The following TLN2 variants were observed in gnomAD, a reference collection of about 807,000 sequenced individuals.
The protein encoded by TLN2 is talin 2.
Under a neutral mutation model 294.7 loss-of-function variants are expected in TLN2, and 118 were observed. The ratio of observed to expected loss-of-function variants is 0.40; its 90% CI spans 0.34 to 0.47. The LOEUF (loss-of-function observed/expected upper bound fraction) is 0.47, where lower values mean the gene tolerates loss of function less well. Ranked by LOEUF, TLN2 falls within the 20% of genes least tolerant of loss-of-function variation. The pLI is 0.84. For synonymous variants in TLN2, 1,431 were observed against 1,304.5 expected, an observed-to-expected ratio of 1.10 and a Z score of -2.09; for missense variants, 3,083 against 3,282.2, an observed-to-expected ratio of 0.94 and a Z score of 1.48.
intron 2 of TLN2, among the ~76,000 whole-genome samples, chr15:62,599,463 A>G (rs1028154375): frequency 5.3e-5 from 8 of 152,214 alleles, no homozygotes; most frequent in South Asian, 4.1e-4. Context: ...CTTTTACTCT[A>G]TTATACAAAG....
chr15:62,791,658 T>C (rs2065084819), intron 45 of TLN2, among the ~76,000 whole-genome samples: 2 of 152,200 alleles, frequency 1.3e-5, no homozygotes, highest in Non-Finnish European at 2.9e-5. Context: ...TCATAACTAT[T>C]CCTGATAGAC....
At chr15:62,482,281 T>C (rs908737856) in intron 1 of TLN2, among the ~76,000 whole-genome samples, 1 of 152,140 alleles carries the variant, frequency 6.6e-6, no homozygotes, top group Non-Finnish European at 1.5e-5. Context: ...TCAAAGGATA[T>C]GCTCCTTTAA....
In TLN2 at chr15:62,582,567, G is replaced by T. The variant is rs935088175; in HGVS notation, c.-237-7120G>T. On this transcript the variant is annotated intron_variant, in intron 1 of 58. Coordinates refer to ENST00000636159, the MANE Select transcript of TLN2 (RefSeq NM_015059.3). Reference sequence around the variant, plus strand: ...TGATGGACAGCTAGATTGAATGGGGGTGTGGGGACGGCATTGTAGACATGT... The same window carrying T: ...TGATGGACAGCTAGATTGAATGGGGTTGTGGGGACGGCATTGTAGACATGT... 3.9e-5 allele frequency among the ~76,000 whole-genome samples: 6 copies of T among 152,266 alleles called. No homozygotes were observed. The East Asian group carries it at 9.6e-4, about 24-fold the overall frequency.
At position 62,770,942 on chromosome 15, in the gene TLN2, CTTTTT is replaced by C. The variant is rs34815657; in HGVS notation, c.5197-10_5197-6del. 1.1e-5 allele frequency: 16 copies of C among 1,463,014 alleles called. No individual in the cohort carries two copies. In the African/African-American group the frequency reaches 1.9e-4, roughly 18 times the overall value. The allele number at this position is 1,463,014 out of a possible 1,614,324, so 90.6% of individuals were successfully genotyped here. A position where few individuals can be genotyped will look rare whatever the true frequency, so the allele number is the denominator to read the frequency against. On this transcript the variant is annotated splice_polypyrimidine_tract_variant and intron_variant, in intron 41 of 58. Coordinates refer to ENST00000636159, the MANE Select transcript of TLN2 (RefSeq NM_015059.3). ...GTGTATTTACATGATACATCTCTGG[CTTTTT>C]TTTTTTTTTTTGAAAGGTGACACAA...
intron 40 of TLN2, among the ~76,000 whole-genome samples, chr15:62,765,770 G>A (rs774759842): frequency 1.3e-5 from 2 of 152,184 alleles, no homozygotes; most frequent in Non-Finnish European, 2.9e-5. Context: ...TGAGGGCACC[G>A]TGTTTAATAT....
intron 27 of TLN2, among the ~76,000 whole-genome samples, chr15:62,726,280 T>C (rs1447646864): frequency 2.0e-5 from 3 of 152,212 alleles, no homozygotes; most frequent in Non-Finnish European, 4.4e-5. Flanking sequence ...TGGACCAGGC[T>C]CTATTTTTAT....
At chr15:62,708,842 T>G in intron 21 of TLN2, 46 bp downstream of exon 21, 2 of 1,556,374 alleles carry the variant, frequency 1.3e-6, no homozygotes, top group Non-Finnish European at 1.7e-6. Context: ...CTTTTGATGT[T>G]CCTGATGGTG....
Position 62,551,446 on chromosome 15 carries a change from C to T in TLN2, c.-237-38241C>T, listed in dbSNP as rs190572450. 3.2e-4 allele frequency among the ~76,000 whole-genome samples: 48 copies of T among 152,008 alleles called. No individual in the cohort carries two copies. The East Asian group carries it at 7.4e-3, about 23-fold the overall frequency. ...CAGCACGTTGGGAGGCCGAGACAGG[C>T]AGATCATGAGGTCAGGAGTTTGAGA... On this transcript the variant is annotated intron_variant, in intron 1 of 58. Transcript: ENST00000636159.
At chr15:62,595,048 C>T (rs2046372109) in intron 2 of TLN2, among the ~76,000 whole-genome samples, 1 of 152,180 alleles carries the variant, frequency 6.6e-6, no homozygotes, top group Admixed American at 6.5e-5. Context: ...AAATACTCAA[C>T]ATCACTAATC....
intron 51 of TLN2, among the ~76,000 whole-genome samples, chr15:62,809,567 AC>A (rs1308012617): frequency 2.0e-5 from 3 of 152,336 alleles, no homozygotes; most frequent in African/African-American, 4.8e-5. Flanking sequence ...CTAGGTCAGT[AC>A]GTCTCCAGCT....
intron 12 of TLN2, 125 bp from the exon 13 acceptor site, chr15:62,692,715 G>A (rs778605854): frequency 2.9e-6 from 2 of 684,726 alleles, no homozygotes; most frequent in Non-Finnish European, 5.0e-6. Flanking sequence ...ATATTCATTT[G>A]TATTTAGAGA....
In TLN2 at chr15:62,657,825, G is replaced by C. The variant is rs2053391309; in HGVS notation, c.715G>C (p.Glu239Gln). 6.2e-7 allele frequency: 1 copy of C among 1,613,804 alleles called. No individual in the cohort carries two copies. Among genetic ancestry groups the C allele is most frequent in the South Asian group, 1.1e-5 (1 of 91,004 alleles). ...SHPVSFEKAC[E>Q]FGGFQAQIQF... Reference sequence around the variant, plus strand: ...CCCTGTCTCCTTCGAGAAAGCTTGTGAGTTTGGTGGATTTCAAGCCCAGAT... The same window carrying C: ...CCCTGTCTCCTTCGAGAAAGCTTGTCAGTTTGGTGGATTTCAAGCCCAGAT... Residue 239 changes from glutamate to glutamine, a missense_variant, in exon 9 of 59, where the codon GAG (glutamate) becomes CAG (glutamine). Transcript: ENST00000636159.
At chr15:62,684,162 T>C (rs759598831) in intron 11 of TLN2, 9 of 152,290 alleles carry the variant, frequency 5.9e-5, no homozygotes, top group Non-Finnish European at 1.3e-4. Flanking sequence ...TCTCCCAATC[T>C]GGAATGATCT....
chr15:62,798,312 A>G (rs923446362), intron 48 of TLN2, among the ~76,000 whole-genome samples: 1 of 152,048 alleles, frequency 6.6e-6, no homozygotes, highest in Non-Finnish European at 1.5e-5. Flanking sequence ...ATATTTGGCA[A>G]TTTCATTGAG....
intron 10 of TLN2, among the ~76,000 whole-genome samples, chr15:62,674,683 G>A (rs1166356032): frequency 6.6e-6 from 1 of 151,362 alleles, no homozygotes; most frequent in African/African-American, 2.4e-5. Flanking sequence ...TGTTTTTTCA[G>A]TAGAGAGGGG....
intron 33 of TLN2, among the ~76,000 whole-genome samples, 188 bp downstream of exon 33, chr15:62,748,632 C>G (rs746418129): frequency 6.6e-6 from 1 of 152,232 alleles, no homozygotes; most frequent in Non-Finnish European, 1.5e-5. Flanking sequence ...TGGAAAGAAA[C>G]TGAAGAGAAA....
intron 40 of TLN2, among the ~76,000 whole-genome samples, chr15:62,764,613 A>T (rs1427745396): frequency 3.3e-5 from 5 of 152,194 alleles, no homozygotes; most frequent in Non-Finnish European, 2.9e-5. Context: ...ACCACTTGAT[A>T]AATTATCACC....
Position 62,657,917 on chromosome 15 carries a change from CT to C in TLN2, c.788+20del. On this transcript the variant is annotated intron_variant, in intron 9 of 58. Transcript: ENST00000636159. ...TTTTAGAGTAAATGACATTTTGTTT[CT>C]CTTTTTTCTCTTTTCTCCTGTCTTC... 6.2e-7 allele frequency: 1 copy of C among 1,604,536 alleles called. No individual in the cohort carries two copies. The highest frequency in any genetic ancestry group is 8.5e-7 in the Non-Finnish European group (1 of 1,175,348).
chr15:62,700,190 A>G (rs1216944261), intron 16 of TLN2, among the ~76,000 whole-genome samples: 1 of 152,236 alleles, frequency 6.6e-6, no homozygotes, highest in East Asian at 1.9e-4. Context: ...GAGTTTTAAA[A>G]TATTTAAGAT....
Sources: allele counts gnomAD v4.1 joint callset (sites outside exome capture counted in the v4.1 genomes callset), GRCh38; gene constraint gnomAD v4.1.1; transcripts MANE v1.5; gene names NCBI Gene and HGNC (gene_info 2026-07-23, HGNC 2026-07-21).